FOXO3: variants seen among roughly 807,000 people sequenced by gnomAD.
FOXO3 encodes the protein forkhead box protein O3.
Under a neutral mutation model 41.9 loss-of-function variants are expected in FOXO3, and 4 were observed. The observed-to-expected ratio is 0.10, with a 90% CI of 0.05 to 0.22. FOXO3 has a LOEUF of 0.22. Among genes scored for constraint, FOXO3 ranks in the 10% least tolerant of loss-of-function variants. The pLI, the probability that FOXO3 is intolerant of heterozygous loss-of-function variation, is 1.00. For missense variants in FOXO3, 534 were observed against 906.8 expected (o/e 0.59, Z 5.28); for synonymous variants, 318 against 389.3 (o/e 0.82, Z 2.16).
intron 1 of FOXO3, among the ~76,000 whole-genome samples, chr6:108,611,004 G>T (rs1258194486): frequency 6.6e-6 from 1 of 152,064 alleles, no homozygotes; most frequent in Non-Finnish European, 1.5e-5. Flanking sequence ...TTCCCTCATG[G>T]CTTATTTTCA....
chr6:108,658,558 G>C (rs1778755156), intron 1 of FOXO3, among the ~76,000 whole-genome samples: 1 of 152,036 alleles, frequency 6.6e-6, no homozygotes, highest in Non-Finnish European at 1.5e-5. Flanking sequence ...TTTTTTGTGT[G>C]TTTTTTTGAG....
chr6:108,646,450 A>G (rs1778395180), intron 1 of FOXO3, among the ~76,000 whole-genome samples: 2 of 152,200 alleles, frequency 1.3e-5, no homozygotes, highest in African/African-American at 4.8e-5. Flanking sequence ...CCACTTTAAC[A>G]CTTTCACCAA....
chr6:108,651,060 G>A (rs754993452), intron 1 of FOXO3, among the ~76,000 whole-genome samples: 2 of 152,216 alleles, frequency 1.3e-5, no homozygotes, highest in South Asian at 2.1e-4. Flanking sequence ...GCAGTCCCTC[G>A]GGAGGCTCCT....
At chr6:108,637,243 G>A (rs1224577731) in intron 1 of FOXO3, among the ~76,000 whole-genome samples, 1 of 152,108 alleles carries the variant, frequency 6.6e-6, no homozygotes, top group African/African-American at 2.4e-5. Context: ...AAAAAATTGC[G>A]TTACATTTAA....
rs1582828413 is a variant in FOXO3, at chr6:108,663,834, A to G, written c.1001A>G (p.Asp334Gly). Residue 334 changes from aspartate to glycine, a missense_variant, in exon 2 of 3, where the codon GAT becomes GGT. Asp to Gly is a moderately conservative substitution (Grantham distance 94). Coordinates refer to ENST00000406360, the MANE Select transcript of FOXO3 (RefSeq NM_001455.4). The part of the protein sequence containing the change: ...LSPIMASTEL[D>G]EVQDDDAPLS... ...CCCATCATGGCAAGCACAGAGTTGG[A>G]TGAAGTCCAGGACGATGATGCGCCT... 1 of 1,613,868 alleles carries G rather than the reference A, an allele frequency of 6.2e-7. No homozygotes were observed. Among genetic ancestry groups the G allele is most frequent in the South Asian group, 1.1e-5 (1 of 91,062 alleles).
intron 1 of FOXO3, among the ~76,000 whole-genome samples, chr6:108,615,451 A>G (rs1777469864): frequency 6.6e-6 from 1 of 151,496 alleles, no homozygotes; most frequent in Non-Finnish European, 1.5e-5. Context: ...CTGAAAAGTG[A>G]TTTGCTCATT....
At chr6:108,604,381 A>G (rs1777135161) in intron 1 of FOXO3, among the ~76,000 whole-genome samples, 1 of 152,164 alleles carries the variant, frequency 6.6e-6, no homozygotes, top group Non-Finnish European at 1.5e-5. Flanking sequence ...TTTATGGCTT[A>G]TTATACCTTT....
chr6:108,673,086 G>A (rs755454641), intron 2 of FOXO3, among the ~76,000 whole-genome samples: 4 of 152,300 alleles, frequency 2.6e-5, no homozygotes, highest in East Asian at 1.9e-4. Flanking sequence ...ACCGCCCAAC[G>A]TAGTTATAAG....
At position 108,683,853 on chromosome 6, in the gene FOXO3, A is replaced by T. The variant is rs1166661479; in HGVS notation, c.*4061A>T. On this transcript the variant is annotated 3_prime_UTR_variant, in exon 3 of 3. Coordinates refer to ENST00000406360, the MANE Select transcript of FOXO3 (RefSeq NM_001455.4). ...TTTGGTAGAAATGCAATCACCAGTAAAGAGGTACGAAAAAGCTAGCCTCTC... is the reference window on the plus strand; with the variant it reads ...TTTGGTAGAAATGCAATCACCAGTATAGAGGTACGAAAAAGCTAGCCTCTC... The T allele has an allele frequency of 3.9e-5, 6 of 152,300 alleles. No individual in the cohort carries two copies. The highest frequency in any genetic ancestry group is 1.4e-4 in the African/African-American group (6 of 41,446). 9.4% of individuals were successfully genotyped at this position (152,300 alleles called of 1,614,324 possible).
intron 1 of FOXO3, among the ~76,000 whole-genome samples, chr6:108,654,415 C>G (rs1025794101): frequency 6.6e-6 from 1 of 152,172 alleles, no homozygotes; most frequent in Non-Finnish European, 1.5e-5. Flanking sequence ...GAACTTTCTT[C>G]CTATCTAGGA....
At chr6:108,621,099 T>C (rs1314735371) in intron 1 of FOXO3, among the ~76,000 whole-genome samples, 1 of 152,206 alleles carries the variant, frequency 6.6e-6, no homozygotes, top group East Asian at 1.9e-4. Flanking sequence ...AAATTGGGGT[T>C]TATGAAATAA....
chr6:108,596,162 C>G (rs1400411225), intron 1 of FOXO3, among the ~76,000 whole-genome samples: 1 of 152,048 alleles, frequency 6.6e-6, no homozygotes, highest in East Asian at 1.9e-4. Flanking sequence ...CTTCCCCATC[C>G]TATTATCCCT....
chr6:108,677,963 A>T (rs1770682685), intron 2 of FOXO3, among the ~76,000 whole-genome samples: 1 of 152,194 alleles, frequency 6.6e-6, no homozygotes. Flanking sequence ...AGGGAAACTA[A>T]AACCTAGGGA....
At chr6:108,563,412 C>T (rs1268842840) in intron 1 of FOXO3, among the ~76,000 whole-genome samples, 1 of 152,130 alleles carries the variant, frequency 6.6e-6, no homozygotes, top group Non-Finnish European at 1.5e-5. Context: ...GAGTTCTTTA[C>T]AGAAAGGATG....
chr6:108,664,475 C>T lies in FOXO3; in HGVS notation c.1642C>T (p.Arg548Cys), dbSNP rs1322957199. Residue 548 changes from arginine to cysteine, a missense_variant, in exon 2 of 3, where the codon CGT becomes TGT. This residue lies in a region of FOXO3 where 94 missense variants were observed against 214.4 expected (regional missense o/e 0.44). Transcript: ENST00000406360. ...AACCCAGGGCGCTCTTGGTGGCAGC[C>T]GTGCCTTGTCGAATTCTGTCAGCAA... ...HQTQGALGGS[R>C]ALSNSVSNMG... 20 of 1,528,016 alleles carry T rather than the reference C, an allele frequency of 1.3e-5. No homozygotes were observed. The East Asian group carries it at 3.8e-4, about 29-fold the overall frequency. 94.7% of individuals were successfully genotyped at this position (1,528,016 alleles called of 1,614,324 possible). A position where few individuals can be genotyped will look rare whatever the true frequency, so the allele number is the denominator to read the frequency against.
intron 1 of FOXO3, among the ~76,000 whole-genome samples, chr6:108,615,066 CTATTTTCTTCTACATG>C (rs942641946): frequency 6.6e-6 from 1 of 151,970 alleles, no homozygotes; most frequent in Admixed American, 6.6e-5. Context: ...ATTCTTAGTG[CTATTTTCTTCTACATG>C]TATGTTATAA....
chr6:108,632,634 T>C (rs1562251409), intron 1 of FOXO3, among the ~76,000 whole-genome samples: 1 of 152,116 alleles, frequency 6.6e-6, no homozygotes, highest in African/African-American at 2.4e-5. Context: ...CAAAGGCAAG[T>C]GAAGCACATG....
intron 1 of FOXO3, among the ~76,000 whole-genome samples, chr6:108,611,889 C>A (rs1441567111): frequency 6.6e-6 from 1 of 152,008 alleles, no homozygotes; most frequent in African/African-American, 2.4e-5. Context: ...AGACTTTGAT[C>A]CATTTGGAGA....
intron 1 of FOXO3, among the ~76,000 whole-genome samples, chr6:108,625,015 C>G (rs1271367726): frequency 6.6e-6 from 1 of 152,126 alleles, no homozygotes; most frequent in Non-Finnish European, 1.5e-5. Context: ...TTCATGGGCT[C>G]AAATGATCCT....
Sources: gnomAD v4.1 joint callset for allele counts (sites outside exome capture counted in the v4.1 genomes callset) on GRCh38, gnomAD v4.1.1 for gene constraint, gnomAD v4.1.1 regional missense constraint, MANE v1.5 for transcripts, NCBI Gene and HGNC (gene_info 2026-07-23, HGNC 2026-07-21) for gene names.